Variants in LBH observed in about 807,000 individuals in gnomAD.
The protein encoded by LBH is LBH regulator of Wnt signaling pathway, also known as protein LBH.
LBH carries 7 observed loss-of-function variants against 12.5 expected under a neutral mutation model. The observed-to-expected ratio is 0.56, with a 90% CI of 0.32 to 1.05. The LOEUF is 1.05. Among genes scored for constraint, LBH ranks in the 50% least tolerant of loss-of-function variants. The pLI is 0.04. For synonymous variants in LBH, 51 were observed against 50.1 expected (o/e 1.02, Z -0.08); for missense variants, 119 against 138.9 (o/e 0.86, Z 0.72).
At chr2:30,232,078 G>C (rs1051896051) in intron 1 of LBH, 7 of 1,522,216 alleles carry the variant, frequency 4.6e-6, no homozygotes, top group East Asian at 4.9e-5. Context: ...CACCCTATGC[G>C]GAGAGCTGCA....
Position 30,257,790 on chromosome 2 carries a change from C to CTT in LBH, c.*181_*182dup, listed in dbSNP as rs113721073. Reference sequence around the variant, plus strand: ...AGTTGGTTTTCTTTTCTTTTCTTGCCTTTTTTTTTTTTTGAAATTTGCCGA... The same window carrying CTT: ...AGTTGGTTTTCTTTTCTTTTCTTGCCTTTTTTTTTTTTTTTGAAATTTGCCGA... On this transcript the variant is annotated 3_prime_UTR_variant, in exon 3 of 3. Transcript: ENST00000395323. The CTT allele has an allele frequency of 9.3e-4, 374 of 401,208 alleles. No individual in the cohort carries two copies. Among genetic ancestry groups the CTT allele is most frequent in the South Asian group, 1.3e-3 (33 of 25,456 alleles). The allele number at this position is 401,208 out of a possible 1,614,324, so 24.9% of individuals were successfully genotyped here.
chr2:30,241,374 G>T (rs547127180), intron 2 of LBH, among the ~76,000 whole-genome samples: 72 of 150,992 alleles, frequency 4.8e-4, no homozygotes, highest in African/African-American at 1.3e-3. Context: ...GATAAAATAT[G>T]TATTTTATTA....
At chr2:30,234,367 CGT>C (rs753943269) in intron 1 of LBH, 36 bp from the exon 2 acceptor site, 2 of 1,479,876 alleles carry the variant, frequency 1.4e-6, no homozygotes, top group Middle Eastern at 1.7e-4. Flanking sequence ...TGTGAAAGCG[CGT>C]GTGTTTGTTG....
In LBH at chr2:30,247,486, A is replaced by C. The variant is rs1572381228; in HGVS notation, c.130-9947A>C. ...ATACTGTTATTTTCCTTGAAGTGACAGGCTCACTTTGTCACTTTGTCCATT... is the reference window on the plus strand; with the variant it reads ...ATACTGTTATTTTCCTTGAAGTGACCGGCTCACTTTGTCACTTTGTCCATT... On this transcript the variant is annotated intron_variant, in intron 2 of 2. Transcript: ENST00000395323. 2.0e-5 allele frequency among the ~76,000 whole-genome samples: 3 copies of C among 152,362 alleles called. No individual in the cohort carries two copies. In the South Asian group the frequency reaches 6.2e-4, roughly 32 times the overall value.
chr2:30,233,717 A>G (rs1677633481), intron 1 of LBH, among the ~76,000 whole-genome samples: 1 of 152,244 alleles, frequency 6.6e-6, no homozygotes, highest in South Asian at 2.1e-4. Flanking sequence ...TTGCAGTCAG[A>G]GTCGGGTATC....
chr2:30,239,858 T>G (rs1263542499), intron 2 of LBH, among the ~76,000 whole-genome samples: 1 of 152,140 alleles, frequency 6.6e-6, no homozygotes, highest in African/African-American at 2.4e-5. Flanking sequence ...GCACCTTCCC[T>G]CCTACACTAC....
intron 2 of LBH, among the ~76,000 whole-genome samples, chr2:30,252,805 G>GTGGA (rs1448464043): frequency 6.6e-6 from 1 of 152,230 alleles, no homozygotes; most frequent in Non-Finnish European, 1.5e-5. Flanking sequence ...GCTGCTGGAT[G>GTGGA]TGGAGTCCAG....
In LBH at chr2:30,259,845, T is replaced by C. The variant is rs1011493120; in HGVS notation, c.*2224T>C. On this transcript the variant is annotated 3_prime_UTR_variant, in exon 3 of 3. Transcript: ENST00000395323. ...TTTTTTTTTTCAAGTAATTTGTGTG[T>C]ATTTCTAACTGATTGTATTGAAAAA... The C allele has an allele frequency of 6.6e-6, 1 of 152,368 alleles. No homozygotes were observed. Among genetic ancestry groups the C allele is most frequent in the African/African-American group, 2.4e-5 (1 of 41,362 alleles). 9.4% of individuals were successfully genotyped at this position (152,368 alleles called of 1,614,324 possible). A position where few individuals can be genotyped will look rare whatever the true frequency, so the allele number is the denominator to read the frequency against.
chr2:30,240,061 C>T (rs2103557751), intron 2 of LBH, among the ~76,000 whole-genome samples: 1 of 152,348 alleles, frequency 6.6e-6, no homozygotes, highest in South Asian at 2.1e-4. Flanking sequence ...TGACGCCTCT[C>T]TCTCCAAGAG....
At position 30,257,724 on chromosome 2, in the gene LBH, A is replaced by C. The variant is rs569007253; in HGVS notation, c.*103A>C. ...GAGAGTGAGCCGCAATTGTTCTGAA[A>C]ATGTCAAACGAGGCTTCTGTTTTGC... On this transcript the variant is annotated 3_prime_UTR_variant, in exon 3 of 3. Coordinates refer to ENST00000395323, the MANE Select transcript of LBH (RefSeq NM_030915.4). 6 of 845,570 alleles carry C rather than the reference A, an allele frequency of 7.1e-6. No individual in the cohort carries two copies. The East Asian group carries it at 1.5e-4, about 21-fold the overall frequency. 52.4% of individuals were successfully genotyped at this position (845,570 alleles called of 1,614,324 possible).
At position 30,234,468 on chromosome 2, in the gene LBH, G is replaced by A. The variant is rs1677650307; in HGVS notation, c.90G>A (p.Glu30=). ...TGATGAACACCCAGCCCATGGAGGA[G>A]ATCGGCCTCAGCCCCCGCAAGGATG... is the stretch of plus-strand genomic sequence containing the variant. ...EVMMNTQPME[E]IGLSPRKDGL... The change falls in exon 2 of 3, where the codon GAG becomes GAA. Residue 30 remains glutamate, a synonymous_variant. Transcript: ENST00000395323. 5.6e-6 allele frequency: 9 copies of A among 1,614,158 alleles called. No homozygotes were observed. The highest frequency in any genetic ancestry group is 1.3e-5 in the African/African-American group (1 of 75,048).
rs1354519889 is a variant in LBH at position 30,259,548 on chromosome 2, T to G, written c.*1927T>G. 2 of 152,944 alleles carry G rather than the reference T, an allele frequency of 1.3e-5. No homozygotes were observed. The highest frequency in any genetic ancestry group is 2.4e-5 in the African/African-American group (1 of 41,450). 9.5% of individuals were successfully genotyped at this position (152,944 alleles called of 1,614,324 possible). On this transcript the variant is annotated 3_prime_UTR_variant, in exon 3 of 3. Coordinates refer to ENST00000395323, the MANE Select transcript of LBH (RefSeq NM_030915.4). Reference sequence around the variant, plus strand: ...TTTCAATTCCTGTGTTTTGGTGTCTTCCCTTATCTGCTACCCTGAATCACC... The same window carrying G: ...TTTCAATTCCTGTGTTTTGGTGTCTGCCCTTATCTGCTACCCTGAATCACC...
intron 2 of LBH, among the ~76,000 whole-genome samples, chr2:30,234,755 G>A (rs1211769667): frequency 6.6e-6 from 1 of 152,182 alleles, no homozygotes; most frequent in Non-Finnish European, 1.5e-5. Flanking sequence ...TAGTGTCTGG[G>A]ACAGATAAGG....
chr2:30,231,890 G>T (rs1261512693), intron 1 of LBH, 126 bp downstream of exon 1: 1 of 628,882 alleles, frequency 1.6e-6, no homozygotes, highest in East Asian at 7.4e-5. Flanking sequence ...CTAACCCGCC[G>T]CCCGAGCCCG....
intron 1 of LBH, chr2:30,232,327 C>A: frequency 7.8e-7 from 1 of 1,285,110 alleles, no homozygotes; most frequent in Non-Finnish European, 1.0e-6. Flanking sequence ...AACCCCTGCC[C>A]TCTCCACCGC....
chr2:30,253,355 G>A (rs1298629294), intron 2 of LBH, among the ~76,000 whole-genome samples: 3 of 152,198 alleles, frequency 2.0e-5, no homozygotes, highest in Non-Finnish European at 4.4e-5. Flanking sequence ...GAAGCTGTTG[G>A]TTCTGGGTAC....
At chr2:30,257,300 G>GCCTC (rs1678102386) in intron 2 of LBH, 133 bp from the exon 3 acceptor site, 1 of 909,778 alleles carries the variant, frequency 1.1e-6, no homozygotes, top group African/African-American at 1.6e-5. Flanking sequence ...ATACTCCACA[G>GCCTC]CCTCCCGAGT....
chr2:30,249,209 C>G (rs1241409216), intron 2 of LBH, among the ~76,000 whole-genome samples: 2 of 152,090 alleles, frequency 1.3e-5, no homozygotes, highest in African/African-American at 4.8e-5. Flanking sequence ...CAGTAAAATG[C>G]AAATAATAAT....
chr2:30,238,187 G>A (rs1677721180), intron 2 of LBH, among the ~76,000 whole-genome samples: 1 of 152,192 alleles, frequency 6.6e-6, no homozygotes, highest in Non-Finnish European at 1.5e-5. Flanking sequence ...TTGGGAATTT[G>A]CCTGTGGGCA....
Sources: allele counts gnomAD v4.1 joint callset (sites outside exome capture counted in the v4.1 genomes callset), GRCh38; gene constraint gnomAD v4.1.1; transcripts MANE v1.5; gene names NCBI Gene and HGNC (gene_info 2026-07-23, HGNC 2026-07-21).